LUZP2: variants seen among roughly 807,000 people sequenced by gnomAD.
LUZP2 encodes leucine zipper protein 2.
A neutral mutation model predicts 51.6 loss-of-function variants in LUZP2; 52 were observed. The ratio of observed to expected loss-of-function variants is 1.01; its 90% CI spans 0.81 to 1.27. The LOEUF (loss-of-function observed/expected upper bound fraction) is 1.27, where lower values mean the gene tolerates loss of function less well. Among genes scored for constraint, LUZP2 ranks in the 50% most tolerant of loss-of-function variants. The pLI is 0.00. For missense variants in LUZP2, 436 were observed against 395.4 expected (o/e 1.10, Z -0.87); for synonymous variants, 154 against 137.3 (o/e 1.12, Z -0.85).
chr11:24,919,641 TGTAG>T (rs1853960046), intron 7 of LUZP2, among the ~76,000 whole-genome samples: 2 of 148,580 alleles, frequency 1.3e-5, no homozygotes, highest in South Asian at 4.2e-4. Flanking sequence ...TTCACTTATG[TGTAG>T]GTATGTTTAT....
chr11:24,729,488 G>T (rs1374399193), intron 2 of LUZP2, among the ~76,000 whole-genome samples: 1 of 151,892 alleles, frequency 6.6e-6, no homozygotes, highest in Non-Finnish European at 1.5e-5. Flanking sequence ...ATACAGAAAT[G>T]GGAAAATTGT....
In LUZP2 at chr11:24,944,354, C is replaced by T. The variant is rs1351572901; in HGVS notation, c.522+29816C>T. On this transcript the variant is annotated intron_variant, in intron 7 of 11. Transcript: ENST00000336930. ...AGGTTAAGGCATTCTGACTCTAGGA[C>T]CCTGTGCTCCCAAACAATACATTAT... 2.0e-5 allele frequency among the ~76,000 whole-genome samples: 3 copies of T among 152,148 alleles called. No homozygotes were observed. In the East Asian group the frequency reaches 5.8e-4, roughly 29 times the overall value.
rs1209455894 is a variant in LUZP2, at chr11:24,650,794, CTTGT to C, written c.63-78372_63-78369del. The stretch of plus-strand genomic sequence containing the variant: ...CTTGAGGAGGCTGCTAAAGTGAGAG[CTTGT>C]TTCTTTGTAAGTTGGAGTTCTGGAA... On this transcript the variant is annotated intron_variant, in intron 1 of 11. Transcript: ENST00000336930. Among the ~76,000 whole-genome samples the C allele has an allele frequency of 2.0e-5, 3 of 152,126 alleles. No homozygotes were observed. In the East Asian group the frequency reaches 5.8e-4, roughly 29 times the overall value.
At chr11:24,724,064 A>G (rs776585661) in intron 1 of LUZP2, among the ~76,000 whole-genome samples, 11 of 152,286 alleles carry the variant, frequency 7.2e-5, no homozygotes, top group South Asian at 2.1e-4. Context: ...GGGTGCCGTC[A>G]AAGAAAAGCT....
intron 10 of LUZP2, among the ~76,000 whole-genome samples, chr11:25,056,037 A>G (rs1858676600): frequency 6.6e-6 from 1 of 152,178 alleles, no homozygotes; most frequent in African/African-American, 2.4e-5. Flanking sequence ...ATTTTGAATT[A>G]TATACTTTAA....
intron 4 of LUZP2, among the ~76,000 whole-genome samples, chr11:24,742,057 T>TTATATATATATATATATATA (rs1554983398): frequency 3.3e-4 from 38 of 116,296 alleles, no homozygotes; most frequent in African/African-American, 1.1e-3. Flanking sequence ...ATAAATATAA[T>TTATATATATATATATATATA]TATATATATA....
intron 4 of LUZP2, among the ~76,000 whole-genome samples, chr11:24,760,611 T>A (rs1334875900): frequency 6.6e-6 from 1 of 152,184 alleles, no homozygotes; most frequent in Admixed American, 6.6e-5. Context: ...TGGTTTGGGT[T>A]TTCTGTAACA....
chr11:24,778,663 CAT>C (rs1187185344), intron 5 of LUZP2, among the ~76,000 whole-genome samples: 34 of 151,790 alleles, frequency 2.2e-4, no homozygotes, highest in African/African-American at 7.5e-4. Flanking sequence ...AATGAAGGAA[CAT>C]AAAAAGGAAG....
intron 1 of LUZP2, among the ~76,000 whole-genome samples, chr11:24,663,131 A>G (rs1856077371): frequency 1.3e-5 from 2 of 152,150 alleles, no homozygotes; most frequent in Non-Finnish European, 2.9e-5. Context: ...ATTATATTTT[A>G]TAGGTAATAG....
intron 5 of LUZP2, among the ~76,000 whole-genome samples, chr11:24,855,019 C>T (rs1851515406): frequency 6.6e-6 from 1 of 152,154 alleles, no homozygotes; most frequent in Non-Finnish European, 1.5e-5. Flanking sequence ...ATGGAGAAAT[C>T]ACCCACCTCC....
At chr11:24,921,526 G>T in intron 7 of LUZP2, among the ~76,000 whole-genome samples, 1 of 152,170 alleles carries the variant, frequency 6.6e-6, no homozygotes, top group East Asian at 1.9e-4. Flanking sequence ...TCTAATCGCC[G>T]GCATGTGCGT....
intron 5 of LUZP2, among the ~76,000 whole-genome samples, chr11:24,824,391 A>AAAAAAAAAAAAAAAAAAAC (rs1850462820): frequency 1.3e-5 from 2 of 148,184 alleles, no homozygotes; most frequent in Non-Finnish European, 3.0e-5. Context: ...AAAAAAAAAA[A>AAAAAAAAAAAAAAAAAAAC]AATGAGTGGT....
chr11:24,661,166 G>T (rs1000995085), intron 1 of LUZP2, among the ~76,000 whole-genome samples: 9 of 147,414 alleles, frequency 6.1e-5, no homozygotes, highest in African/African-American at 1.7e-4. Flanking sequence ...ATTTTTTTTT[G>T]AAACTTCATG....
rs147275862 is a variant in LUZP2 at position 24,652,721 on chromosome 11, G to C, written c.63-76448G>C. Reference sequence around the variant, plus strand: ...TTAATTTTTCATGAAAAATAATTCAGATGTCAACAATACCTTCACATTTAT... The same window carrying C: ...TTAATTTTTCATGAAAAATAATTCACATGTCAACAATACCTTCACATTTAT... On this transcript the variant is annotated intron_variant, in intron 1 of 11. Coordinates refer to ENST00000336930, the MANE Select transcript of LUZP2 (RefSeq NM_001009909.4). Among the ~76,000 whole-genome samples the C allele has an allele frequency of 3.0e-3, 452 of 152,132 alleles. 4 individuals carry two copies. Among genetic ancestry groups the C allele is most frequent in the African/African-American group, 0.01 (432 of 41,536 alleles).
At chr11:24,839,780 C>T (rs1850968304) in intron 5 of LUZP2, among the ~76,000 whole-genome samples, 1 of 151,692 alleles carries the variant, frequency 6.6e-6, no homozygotes, top group Admixed American at 6.6e-5. Context: ...TCAGTTTATT[C>T]TTGTCTGCTC....
At chr11:24,658,485 T>TAA (rs1418434512) in intron 1 of LUZP2, among the ~76,000 whole-genome samples, 1 of 152,098 alleles carries the variant, frequency 6.6e-6, no homozygotes, top group African/African-American at 2.4e-5. Context: ...GAAGAAAACC[T>TAA]AGGCAATACC....
At chr11:24,868,113 C>G (rs192757871) in intron 5 of LUZP2, among the ~76,000 whole-genome samples, 1 of 152,210 alleles carries the variant, frequency 6.6e-6, no homozygotes, top group East Asian at 1.9e-4. Flanking sequence ...TGAAGAAAAC[C>G]GGCATTTTTC....
At chr11:24,884,149 A>C (rs1225627596) in intron 5 of LUZP2, among the ~76,000 whole-genome samples, 1 of 152,026 alleles carries the variant, frequency 6.6e-6, no homozygotes, top group Non-Finnish European at 1.5e-5. Flanking sequence ...ACTCTAAGGA[A>C]AAAGCTATTT....
intron 5 of LUZP2, among the ~76,000 whole-genome samples, chr11:24,819,313 G>C (rs1290366501): frequency 1.3e-5 from 2 of 152,002 alleles, no homozygotes; most frequent in Non-Finnish European, 2.9e-5. Flanking sequence ...TTTCATTTGT[G>C]TTTTTGTTGA....
Sources: allele counts gnomAD v4.1 joint callset (sites outside exome capture counted in the v4.1 genomes callset), GRCh38; gene constraint gnomAD v4.1.1; transcripts MANE v1.5; gene names NCBI Gene and HGNC (gene_info 2026-07-23, HGNC 2026-07-21).